The following ASIC2 variants were observed in gnomAD, a reference collection of about 807,000 sequenced individuals.
ASIC2 encodes acid-sensing ion channel 2.
In ASIC2, 25 loss-of-function variants were observed where a neutral mutation model predicts 57.3. The observed-to-expected ratio is 0.44, with a 90% confidence interval of 0.32 to 0.61. ASIC2 has a LOEUF of 0.61. Ranked by LOEUF, ASIC2 falls within the 20% of genes least tolerant of loss-of-function variation. The pLI, the probability that ASIC2 is intolerant of heterozygous loss-of-function variation, is 0.06. For missense variants in ASIC2, 641 were observed against 738.1 expected, an observed-to-expected ratio of 0.87 and a Z score of 1.52; for synonymous variants, 319 against 307.5, an observed-to-expected ratio of 1.04 and a Z score of -0.39.
At chr17:33,599,605 G>T (rs66762812) in intron 1 of ASIC2, among the ~76,000 whole-genome samples, 7,423 of 152,224 alleles carry the variant, frequency 0.049, 391 homozygotes, top group African/African-American at 0.12. Context: ...AAGACATTTG[G>T]CTGAGGCTGC....
intron 1 of ASIC2, among the ~76,000 whole-genome samples, chr17:33,662,237 G>T (rs755534945): frequency 2.0e-5 from 3 of 152,148 alleles, no homozygotes; most frequent in Non-Finnish European, 4.4e-5. Context: ...TATCTGTAAA[G>T]TAGAGATGAA....
At chr17:33,254,855 C>T (rs1333013225) in intron 1 of ASIC2, among the ~76,000 whole-genome samples, 1 of 152,096 alleles carries the variant, frequency 6.6e-6, no homozygotes, top group Non-Finnish European at 1.5e-5. Flanking sequence ...CAGACACGTG[C>T]ATGGGTGCAC....
chr17:33,585,596 A>T (rs1054988953), intron 1 of ASIC2, among the ~76,000 whole-genome samples: 6 of 152,178 alleles, frequency 3.9e-5, no homozygotes, highest in African/African-American at 1.4e-4. Flanking sequence ...TGTGGTCACC[A>T]TGTGACTGGC....
Position 33,208,279 on chromosome 17 carries a change from A to G in ASIC2, c.708+83129T>C, listed in dbSNP as rs1817964. On this transcript the variant is annotated intron_variant, in intron 1 of 9. Transcript: ENST00000225823. Reference sequence around the variant, plus strand: ...GTTACTGAAGGTTAAAGTCAAGAACATGATTCCAGGTGGGGTAATCAATCT... The same window carrying G: ...GTTACTGAAGGTTAAAGTCAAGAACGTGATTCCAGGTGGGGTAATCAATCT... Among the ~76,000 whole-genome samples the G allele has an allele frequency of 2.0e-5, 3 of 152,308 alleles. No homozygotes were observed. The South Asian group carries it at 6.2e-4, about 32-fold the overall frequency.
intron 1 of ASIC2, among the ~76,000 whole-genome samples, chr17:33,564,886 C>T (rs1916185925): frequency 6.6e-6 from 1 of 152,252 alleles, no homozygotes; most frequent in Admixed American, 6.5e-5. Context: ...AGGACATGCT[C>T]CTGCTGCAGT....
chr17:33,685,110 C>A (rs570248339), intron 1 of ASIC2, among the ~76,000 whole-genome samples: 1 of 152,160 alleles, frequency 6.6e-6, no homozygotes, highest in Non-Finnish European at 1.5e-5. Flanking sequence ...CTGGTTCCCC[C>A]TGGGGGGGCT....
At chr17:33,818,154 A>T (rs1912641709) in intron 1 of ASIC2, among the ~76,000 whole-genome samples, 1 of 152,164 alleles carries the variant, frequency 6.6e-6, no homozygotes, top group African/African-American at 2.4e-5. Context: ...CCACCTCTTG[A>T]TGAGGGTGTA....
At chr17:33,333,505 T>C (rs957574667) in intron 1 of ASIC2, among the ~76,000 whole-genome samples, 3 of 152,132 alleles carry the variant, frequency 2.0e-5, no homozygotes, top group African/African-American at 7.2e-5. Context: ...TATAAGTATA[T>C]AAAAATATCT....
At chr17:33,196,450 T>C (rs1014355233) in intron 1 of ASIC2, among the ~76,000 whole-genome samples, 4 of 151,988 alleles carry the variant, frequency 2.6e-5, no homozygotes, top group Admixed American at 1.3e-4. Context: ...GAGGCGTCCT[T>C]GCAGTTATCT....
At chr17:34,150,917 G>A (rs759128302) in intron 1 of ASIC2, among the ~76,000 whole-genome samples, 12 of 151,952 alleles carry the variant, frequency 7.9e-5, no homozygotes, top group Non-Finnish European at 1.5e-4. Flanking sequence ...GTACGAGACC[G>A]GCCTGGCCAA....
At chr17:33,507,221 A>G (rs1406549685) in intron 1 of ASIC2, among the ~76,000 whole-genome samples, 3 of 152,172 alleles carry the variant, frequency 2.0e-5, no homozygotes, top group Non-Finnish European at 4.4e-5. Context: ...AGGGCTTCCA[A>G]GATTTCAGTT....
chr17:33,453,141 AG>A (rs1390138464), intron 1 of ASIC2, among the ~76,000 whole-genome samples: 3 of 152,084 alleles, frequency 2.0e-5, no homozygotes, highest in Non-Finnish European at 2.9e-5. Context: ...CAATTCTCAC[AG>A]TATGTGTACA....
At chr17:34,099,271 G>T (rs1426875639) in intron 1 of ASIC2, among the ~76,000 whole-genome samples, 1 of 135,796 alleles carries the variant, frequency 7.4e-6, no homozygotes, top group Admixed American at 7.8e-5. Context: ...AAGAAAGAAA[G>T]AGGAAAGAAA....
intron 1 of ASIC2, among the ~76,000 whole-genome samples, chr17:33,486,694 C>T (rs1270018718): frequency 6.6e-6 from 1 of 152,220 alleles, no homozygotes; most frequent in Non-Finnish European, 1.5e-5. Flanking sequence ...CATAAACAGC[C>T]TGAAGGGCTC....
intron 1 of ASIC2, among the ~76,000 whole-genome samples, chr17:33,353,872 A>G (rs148686342): frequency 6.6e-6 from 1 of 152,294 alleles, no homozygotes; most frequent in African/African-American, 2.4e-5. Context: ...TATACTTGCC[A>G]TGTGTATCTT....
intron 1 of ASIC2, among the ~76,000 whole-genome samples, chr17:33,777,967 T>C (rs546595073): frequency 1.3e-5 from 2 of 152,282 alleles, no homozygotes; most frequent in Admixed American, 6.5e-5. Context: ...ATTTCCACGA[T>C]GGGCTGTGTG....
chr17:33,107,103 C>T (rs4306567), intron 2 of ASIC2, among the ~76,000 whole-genome samples: 48,528 of 152,044 alleles, frequency 0.32, 7,902 homozygotes, highest in East Asian at 0.42. Context: ...GATAACCCAC[C>T]GCCTATTCCT....
At chr17:33,479,982 T>G (rs1913351426) in intron 1 of ASIC2, among the ~76,000 whole-genome samples, 1 of 152,188 alleles carries the variant, frequency 6.6e-6, no homozygotes, top group Non-Finnish European at 1.5e-5. Context: ...CTTCCCATGG[T>G]GAACGCTTTG....
At chr17:33,794,642 G>A (rs1227608399) in intron 1 of ASIC2, 1 of 152,114 alleles carries the variant, frequency 6.6e-6, no homozygotes, top group Non-Finnish European at 1.5e-5. Context: ...AAAGTTCATG[G>A]TGAAAAATGA....
Sources: allele counts gnomAD v4.1 joint callset (sites outside exome capture counted in the v4.1 genomes callset), GRCh38; gene constraint gnomAD v4.1.1; transcripts MANE v1.5; gene names NCBI Gene and HGNC (gene_info 2026-07-23, HGNC 2026-07-21).